Variants in TULP3 observed in about 807,000 individuals in gnomAD.
TULP3 encodes the protein TUB like protein 3.
TULP3 carries 38 observed loss-of-function variants against 50.7 expected under a neutral mutation model. That is an observed-to-expected ratio of 0.75 (90% CI 0.58 to 0.98). The LOEUF (loss-of-function observed/expected upper bound fraction) is 0.98, where lower values mean the gene tolerates loss of function less well. TULP3 is among the 50% of genes least tolerant of loss of function. The pLI is 0.00. For missense variants in TULP3, 550 were observed against 568.0 expected, an observed-to-expected ratio of 0.97 and a Z score of 0.32; for synonymous variants, 183 against 196.6, an observed-to-expected ratio of 0.93 and a Z score of 0.58.
At position 2,940,116 on chromosome 12, in the gene TULP3, A is replaced by G. The variant is rs1248165078; in HGVS notation, c.*672A>G. On this transcript the variant is annotated 3_prime_UTR_variant, in exon 11 of 11. Coordinates refer to ENST00000448120, the MANE Select transcript of TULP3 (RefSeq NM_003324.5). ...TTATATAATTGTCTTCATTTCAATT[A>G]AGGCTGAAAGCATAAACTCTAGAGG... 3 of 1,291,798 alleles carry G rather than the reference A, an allele frequency of 2.3e-6. No individual in the cohort carries two copies. The African/African-American group carries it at 4.5e-5, about 20-fold the overall frequency. The allele number at this position is 1,291,798 out of a possible 1,614,324, so 80.0% of individuals were successfully genotyped here.
At chr12:2,913,147 G>A (rs2098186584) in intron 2 of TULP3, among the ~76,000 whole-genome samples, 1 of 150,954 alleles carries the variant, frequency 6.6e-6, no homozygotes, top group African/African-American at 2.4e-5. Flanking sequence ...GGTGTGAAGT[G>A]GTATCTCATT....
Position 2,940,816 on chromosome 12 carries a change from C to T in TULP3, c.*1372C>T. 1 of 1,228,870 alleles carries T rather than the reference C, an allele frequency of 8.1e-7. No individual in the cohort carries two copies. The highest frequency in any genetic ancestry group is 1.1e-6 in the Non-Finnish European group (1 of 887,536). The allele number at this position is 1,228,870 out of a possible 1,614,324, so 76.1% of individuals were successfully genotyped here. A position where few individuals can be genotyped will look rare whatever the true frequency, so the allele number is the denominator to read the frequency against. On this transcript the variant is annotated 3_prime_UTR_variant, in exon 11 of 11. Coordinates refer to ENST00000448120, the MANE Select transcript of TULP3 (RefSeq NM_003324.5). ...GGTGAGGACGAGACTGTTTCCATCT[C>T]AGGCATGTATCCCACCAAGTGCCTC...
chr12:2,914,060 G>T (rs2153949122), intron 2 of TULP3, among the ~76,000 whole-genome samples: 1 of 150,792 alleles, frequency 6.6e-6, no homozygotes, highest in South Asian at 2.1e-4. Flanking sequence ...TCAAACATTT[G>T]TCATTTCTTT....
chr12:2,938,080 C>G (rs1208242849), intron 9 of TULP3, 34 bp from the exon 10 acceptor site: 3 of 1,611,250 alleles, frequency 1.9e-6, no homozygotes, highest in African/African-American at 2.7e-5. Context: ...AGTTGGAGTT[C>G]TCAGTACAAA....
At chr12:2,897,029 T>C (rs1257343358) in intron 1 of TULP3, among the ~76,000 whole-genome samples, 2 of 152,142 alleles carry the variant, frequency 1.3e-5, no homozygotes, top group African/African-American at 4.8e-5. Context: ...AAATTTTTTT[T>C]TTGGAGTCTC....
At chr12:2,925,560 A>G (rs2098194241) in intron 4 of TULP3, among the ~76,000 whole-genome samples, 1 of 152,158 alleles carries the variant, frequency 6.6e-6, no homozygotes, top group Non-Finnish European at 1.5e-5. Flanking sequence ...GGCACTTGAC[A>G]TGTACTACCT....
intron 1 of TULP3, 96 bp from the exon 2 acceptor site, chr12:2,909,433 G>A: frequency 8.0e-7 from 1 of 1,250,038 alleles, no homozygotes; most frequent in Non-Finnish European, 1.1e-6. Context: ...GAATCGATTG[G>A]TTCCAAATAG....
At chr12:2,898,971 A>C (rs1216588916) in intron 1 of TULP3, among the ~76,000 whole-genome samples, 1 of 152,152 alleles carries the variant, frequency 6.6e-6, no homozygotes, top group African/African-American at 2.4e-5. Context: ...GAGTCACTGC[A>C]CCTGGTTGGA....
chr12:2,923,808 C>T (rs1010628267), intron 4 of TULP3, among the ~76,000 whole-genome samples: 1 of 147,626 alleles, frequency 6.8e-6, no homozygotes, highest in African/African-American at 2.5e-5. Flanking sequence ...CTTGTCTCTA[C>T]AAAAAATGCA....
At position 2,930,374 on chromosome 12, in the gene TULP3, G is replaced by C. The variant is rs747904857; in HGVS notation, c.492+29G>C. On this transcript the variant is annotated intron_variant, in intron 5 of 10. Coordinates refer to ENST00000448120, the MANE Select transcript of TULP3 (RefSeq NM_003324.5). The stretch of plus-strand genomic sequence containing the variant: ...TGTAGTTCTGAAACTTCTTCCATTA[G>C]AGCTAATTTGACTCTTTCTCAAACA... 2.8e-6 allele frequency: 4 copies of C among 1,422,990 alleles called. No individual in the cohort carries two copies. In the South Asian group the frequency reaches 4.9e-5, roughly 17 times the overall value. 88.1% of individuals were successfully genotyped at this position (1,422,990 alleles called of 1,614,324 possible). A position where few individuals can be genotyped will look rare whatever the true frequency, so the allele number is the denominator to read the frequency against.
In TULP3 at chr12:2,909,539, G is replaced by C. The variant is rs773058868; in HGVS notation, c.52G>C (p.Glu18Gln). ...TTTTTTTTTTAACAGTGTCTTCCAT[G>C]AAGAAATGATGAAGATGCGACAGGC... Reference protein sequence around the residue: ...LSPSGDSVFHEEMMKMRQAKL... With the variant: ...LSPSGDSVFHQEMMKMRQAKL... Residue 18 changes from glutamate (E) to glutamine (Q), a missense_variant, in exon 2 of 11, where the codon GAA becomes CAA. Coordinates refer to ENST00000448120, the MANE Select transcript of TULP3 (RefSeq NM_003324.5). The C allele has an allele frequency of 2.0e-5, 32 of 1,571,102 alleles. No individual in the cohort carries two copies. Among genetic ancestry groups the C allele is most frequent in the Non-Finnish European group, 2.6e-5 (30 of 1,167,464 alleles).
rs1284685964 is a variant in TULP3, at chr12:2,931,053, G to C, written c.509G>C (p.Gly170Ala). 6.2e-7 allele frequency: 1 copy of C among 1,614,058 alleles called. No homozygotes were observed. The highest frequency in any genetic ancestry group is 8.5e-7 in the Non-Finnish European group (1 of 1,180,026). Residue 170 changes from glycine to alanine, a missense_variant, in exon 6 of 11, where the codon GGT becomes GCT. Physicochemically the swap from Gly to Ala is moderately conservative, Grantham distance 60. Transcript: ENST00000448120. Reference protein sequence around the residue: ...SQNSTDTGTSGSATAAQPADN... With the variant: ...SQNSTDTGTSASATAAQPADN... ...TCCTTTCAGGATACAGGCACTTCCG[G>C]TTCTGCTACTGCCGCCCAACCAGCT...
chr12:2,902,058 G>A (rs2098179611), intron 1 of TULP3, among the ~76,000 whole-genome samples: 1 of 151,904 alleles, frequency 6.6e-6, no homozygotes, highest in African/African-American at 2.4e-5. Context: ...GTAATTCCTT[G>A]TCTCACACAT....
rs753286936 is a variant in TULP3 at position 2,934,485 on chromosome 12, G to A, written c.848G>A (p.Arg283His). ...GGGACCAAGTTTACAGTTTATGACCGTGGCATCTGCCCCATGAAGGGCCGG... is the reference window on the plus strand; with the variant it reads ...GGGACCAAGTTTACAGTTTATGACCATGGCATCTGCCCCATGAAGGGCCGG... ...LMGTKFTVYD[R>H]GICPMKGRGL... Residue 283 changes from arginine (R) to histidine (H), a missense_variant, in exon 8 of 11, where the codon CGT (arginine) becomes CAT (histidine). Physicochemically the swap from Arg to His is conservative, Grantham distance 29. Transcript: ENST00000448120. 5.6e-6 allele frequency: 9 copies of A among 1,603,816 alleles called. No homozygotes were observed. Among genetic ancestry groups the A allele is most frequent in the Admixed American group, 1.7e-5 (1 of 58,266 alleles).
chr12:2,912,982 T>C (rs7304035), intron 2 of TULP3, among the ~76,000 whole-genome samples: 3,981 of 150,150 alleles, frequency 0.027, 151 homozygotes, highest in African/African-American at 0.085. Context: ...TTTTTTTTTT[T>C]TTCTTCTTTT....
At chr12:2,924,523 A>C (rs1212509442) in intron 4 of TULP3, among the ~76,000 whole-genome samples, 3 of 151,836 alleles carry the variant, frequency 2.0e-5, no homozygotes, top group Admixed American at 2.0e-4. Flanking sequence ...AACAAAAAAA[A>C]ATTTTTAATT....
Position 2,931,223 on chromosome 12 carries a change from AAAG to A in TULP3, c.685_687del (p.Glu229del), listed in dbSNP as rs760368940. Reference sequence around the variant, plus strand: ...CCCCACCTACTATATGTACTTGGAAAAAGAAGAAAATCAGAAGGTATGAGAATT... The same window carrying A: ...CCCCACCTACTATATGTACTTGGAAAAAGAAAATCAGAAGGTATGAGAATT... On this transcript the variant is annotated inframe_deletion, in exon 6 of 11. Transcript: ENST00000448120. The A allele has an allele frequency of 6.2e-7, 1 of 1,613,984 alleles. No homozygotes were observed. The highest frequency in any genetic ancestry group is 1.3e-5 in the African/African-American group (1 of 75,052).
In TULP3 at chr12:2,940,044, A is replaced by C. The variant is rs2098203781; in HGVS notation, c.*600A>C. ...CAGCAGATTGGCCGGCACCAATCTT[A>C]GTCAAGAGTGGCTGTGATCACATTT... On this transcript the variant is annotated 3_prime_UTR_variant, in exon 11 of 11. Coordinates refer to ENST00000448120, the MANE Select transcript of TULP3 (RefSeq NM_003324.5). 1 of 1,289,064 alleles carries C rather than the reference A, an allele frequency of 7.8e-7. No homozygotes were observed. Among genetic ancestry groups the C allele is most frequent in the South Asian group, 1.2e-5 (1 of 81,014 alleles). 79.9% of individuals were successfully genotyped at this position (1,289,064 alleles called of 1,614,324 possible).
intron 8 of TULP3, 128 bp downstream of exon 8, chr12:2,934,689 A>G: frequency 2.0e-6 from 1 of 505,840 alleles, no homozygotes; most frequent in Non-Finnish European, 3.5e-6. Flanking sequence ...TTGCTGTACC[A>G]TTTTCTCCAT....
Sources: allele counts gnomAD v4.1 joint callset (sites outside exome capture counted in the v4.1 genomes callset), GRCh38; gene constraint gnomAD v4.1.1; transcripts MANE v1.5; gene names NCBI Gene and HGNC (gene_info 2026-07-23, HGNC 2026-07-21).